The following SEMA5A variants were observed in gnomAD, a reference collection of about 807,000 sequenced individuals.
The protein encoded by SEMA5A is semaphorin-5A.
A neutral mutation model predicts 135.5 loss-of-function variants in SEMA5A; 55 were observed. That is an observed-to-expected ratio of 0.41 (90% CI 0.33 to 0.51). The LOEUF is 0.51. Among genes scored for constraint, SEMA5A ranks in the 20% least tolerant of loss-of-function variants. SEMA5A has a pLI of 0.37. For missense variants in SEMA5A, 1,290 were observed against 1,419.9 expected, an observed-to-expected ratio of 0.91 and a Z score of 1.47; for synonymous variants, 580 against 546.5, an observed-to-expected ratio of 1.06 and a Z score of -0.85.
intron 1 of SEMA5A, among the ~76,000 whole-genome samples, chr5:9,450,435 G>A (rs1758599505): frequency 6.6e-6 from 1 of 152,166 alleles, no homozygotes; most frequent in African/African-American, 2.4e-5. Context: ...TAATAGGAGT[G>A]TTCCTCTATA....
At chr5:9,226,791 A>C in intron 7 of SEMA5A, 78 bp downstream of exon 7, 1 of 1,138,526 alleles carries the variant, frequency 8.8e-7, no homozygotes, top group Non-Finnish European at 1.3e-6. Context: ...ATAGAAATTC[A>C]TTTAAAACTA....
intron 13 of SEMA5A, among the ~76,000 whole-genome samples, chr5:9,127,938 C>T (rs772804502): frequency 1.2e-4 from 18 of 152,028 alleles, no homozygotes; most frequent in Admixed American, 4.6e-4. Context: ...TGGTGACAAC[C>T]GAATGAAGAC....
At chr5:9,118,015 T>C (rs995028203) in intron 15 of SEMA5A, among the ~76,000 whole-genome samples, 15 of 152,236 alleles carry the variant, frequency 9.9e-5, no homozygotes, top group Admixed American at 4.6e-4. Context: ...CTTAGTTGAT[T>C]TTAGGTTGTA....
chr5:9,538,518 C>G (rs567989230), intron 1 of SEMA5A, among the ~76,000 whole-genome samples: 9 of 152,324 alleles, frequency 5.9e-5, no homozygotes, highest in African/African-American at 2.2e-4. Context: ...CTCTGCAGCT[C>G]TAATGAGACC....
In SEMA5A at chr5:9,040,650, A is replaced by ATAT. The variant is rs142324177; in HGVS notation, c.*2244_*2246dup. 13 of 152,348 alleles carry ATAT rather than the reference A, an allele frequency of 8.5e-5. No individual in the cohort carries two copies. The highest frequency in any genetic ancestry group is 3.1e-4 in the African/African-American group (13 of 41,586). The allele number at this position is 152,348 out of a possible 1,614,324, so 9.4% of individuals were successfully genotyped here. A position where few individuals can be genotyped will look rare whatever the true frequency, so the allele number is the denominator to read the frequency against. On this transcript the variant is annotated 3_prime_UTR_variant, in exon 23 of 23. Transcript: ENST00000382496. ...CAATGCTAATTTCAAAGGTTTGTTT[A>ATAT]TATTATTAACAACATGAAGATCCTG...
chr5:9,297,283 C>G (rs1221232931), intron 5 of SEMA5A, among the ~76,000 whole-genome samples: 1 of 152,006 alleles, frequency 6.6e-6, no homozygotes, highest in Non-Finnish European at 1.5e-5. Context: ...GGGAATTACG[C>G]CTGCAGGAGC....
At chr5:9,456,872 A>C (rs1277053773) in intron 1 of SEMA5A, among the ~76,000 whole-genome samples, 1 of 152,160 alleles carries the variant, frequency 6.6e-6, no homozygotes, top group Non-Finnish European at 1.5e-5. Flanking sequence ...CCCAAGTAGA[A>C]CAGGATCAAA....
intron 12 of SEMA5A, among the ~76,000 whole-genome samples, chr5:9,146,534 T>C (rs1742345955): frequency 1.3e-5 from 2 of 152,148 alleles, no homozygotes; most frequent in Admixed American, 6.5e-5. Flanking sequence ...TAAAAAATAA[T>C]TGGAGAGGAA....
intron 2 of SEMA5A, among the ~76,000 whole-genome samples, chr5:9,383,600 A>C (rs1265752697): frequency 1.3e-5 from 2 of 152,194 alleles, no homozygotes; most frequent in Non-Finnish European, 2.9e-5. Context: ...GATGGGTTGG[A>C]GCACTGCCCT....
At chr5:9,150,022 T>C (rs1742548467) in intron 12 of SEMA5A, among the ~76,000 whole-genome samples, 1 of 152,220 alleles carries the variant, frequency 6.6e-6, no homozygotes, top group Admixed American at 6.5e-5. Flanking sequence ...TTATTCATTG[T>C]AGAGACAGGT....
intron 1 of SEMA5A, among the ~76,000 whole-genome samples, chr5:9,537,741 G>A (rs1737846906): frequency 6.6e-6 from 1 of 152,198 alleles, no homozygotes; most frequent in African/African-American, 2.4e-5. Flanking sequence ...AAACGCTGTT[G>A]ATCTCCATTT....
intron 2 of SEMA5A, among the ~76,000 whole-genome samples, chr5:9,411,391 C>T (rs17257513): frequency 0.22 from 33,449 of 152,128 alleles, 4,297 homozygotes; most frequent in Non-Finnish European, 0.3. Flanking sequence ...TCAGCCCACA[C>T]GCAAGCAACG....
At chr5:9,338,870 C>T (rs1310042378) in intron 3 of SEMA5A, among the ~76,000 whole-genome samples, 2 of 152,036 alleles carry the variant, frequency 1.3e-5, no homozygotes, top group Non-Finnish European at 1.5e-5. Context: ...CTAAAGAAAT[C>T]GCTTTGTTGA....
chr5:9,191,691 T>C (rs1401535536), intron 10 of SEMA5A, among the ~76,000 whole-genome samples: 1 of 152,244 alleles, frequency 6.6e-6, no homozygotes, highest in Non-Finnish European at 1.5e-5. Flanking sequence ...GATGGGATGA[T>C]TGTAGAAAAA....
chr5:9,337,317 T>C (rs1446394218), intron 4 of SEMA5A, among the ~76,000 whole-genome samples: 1 of 151,968 alleles, frequency 6.6e-6, no homozygotes, highest in African/African-American at 2.4e-5. Context: ...TTTTCAGGAG[T>C]CAAACTGACT....
intron 1 of SEMA5A, among the ~76,000 whole-genome samples, chr5:9,510,567 G>A (rs1561310036): frequency 6.6e-6 from 1 of 151,978 alleles, no homozygotes; most frequent in Non-Finnish European, 1.5e-5. Context: ...TTATAAACGG[G>A]TTATAGCAAA....
At chr5:9,398,986 A>G (rs1756528300) in intron 2 of SEMA5A, among the ~76,000 whole-genome samples, 1 of 152,188 alleles carries the variant, frequency 6.6e-6, no homozygotes, top group Non-Finnish European at 1.5e-5. Context: ...AAAACGCCAC[A>G]TTTTTTAACT....
In SEMA5A at chr5:9,104,085, A is replaced by C; in HGVS notation, c.2073+4055T>G. ...AACATTGGGCAAATAAATTATACAAATGGAGTTGTGTCATTAAATTCTATT... is the reference window on the plus strand; with the variant it reads ...AACATTGGGCAAATAAATTATACAACTGGAGTTGTGTCATTAAATTCTATT... On this transcript the variant is annotated intron_variant, in intron 16 of 22. Transcript: ENST00000382496. Among the ~76,000 whole-genome samples, 2 of 152,198 alleles carry C rather than the reference A, an allele frequency of 1.3e-5. 1 individual carries two copies. Among genetic ancestry groups the C allele is most frequent in the East Asian group, 3.8e-4 (2 of 5,200 alleles).
chr5:9,521,371 C>T (rs1736821128), intron 1 of SEMA5A, among the ~76,000 whole-genome samples: 1 of 152,150 alleles, frequency 6.6e-6, no homozygotes, highest in African/African-American at 2.4e-5. Flanking sequence ...GATCACGCCA[C>T]TGCATTCCAG....
Sources: gnomAD v4.1 joint callset for allele counts (sites outside exome capture counted in the v4.1 genomes callset) on GRCh38, gnomAD v4.1.1 for gene constraint, MANE v1.5 for transcripts, NCBI Gene and HGNC (gene_info 2026-07-23, HGNC 2026-07-21) for gene names.